The following ADCY2 variants were observed in gnomAD, a reference collection of about 807,000 sequenced individuals.
ADCY2 encodes adenylate cyclase type 2.
Under a neutral mutation model 125.2 loss-of-function variants are expected in ADCY2, and 31 were observed. The observed-to-expected ratio is 0.25, with a 90% confidence interval of 0.19 to 0.33. ADCY2 has a LOEUF of 0.33. Among genes scored for constraint, ADCY2 ranks in the 10% least tolerant of loss-of-function variants. The pLI is 1.00. For synonymous variants in ADCY2, 512 were observed against 548.4 expected, an observed-to-expected ratio of 0.93 and a Z score of 0.93; for missense variants, 904 against 1,418.2, an observed-to-expected ratio of 0.64 and a Z score of 5.82.
At chr5:7,780,775 T>C (rs1252773465) in intron 18 of ADCY2, among the ~76,000 whole-genome samples, 1 of 149,822 alleles carries the variant, frequency 6.7e-6, no homozygotes, top group Non-Finnish European at 1.5e-5. Context: ...CTGAGAATCA[T>C]GAAAATGTCC....
At chr5:7,736,366 T>G (rs1435357051) in intron 14 of ADCY2, among the ~76,000 whole-genome samples, 1 of 152,246 alleles carries the variant, frequency 6.6e-6, no homozygotes, top group African/African-American at 2.4e-5. Context: ...ATTTTTCATT[T>G]CTTCTTTAGT....
At position 7,804,328 on chromosome 5, in the gene ADCY2, T is replaced by A. The variant is rs548492400; in HGVS notation, c.2776-257T>A. Among the ~76,000 whole-genome samples, 5 of 152,372 alleles carry A rather than the reference T, an allele frequency of 3.3e-5. No homozygotes were observed. In the East Asian group the frequency reaches 9.6e-4, roughly 29 times the overall value. Reference sequence around the variant, plus strand: ...TGCATCATAATTCATCTTGGTTCCTTCACTAGCAAAGTTTGAACGCTAATT... The same window carrying A: ...TGCATCATAATTCATCTTGGTTCCTACACTAGCAAAGTTTGAACGCTAATT... On this transcript the variant is annotated intron_variant, in intron 21 of 24. Transcript: ENST00000338316.
chr5:7,576,541 G>C (rs1202966006), intron 3 of ADCY2, among the ~76,000 whole-genome samples: 1 of 152,206 alleles, frequency 6.6e-6, no homozygotes, highest in Non-Finnish European at 1.5e-5. Flanking sequence ...TCCAAGAATT[G>C]CAAGGGCTCT....
intron 4 of ADCY2, among the ~76,000 whole-genome samples, chr5:7,641,884 C>T (rs1304303207): frequency 6.6e-6 from 1 of 152,126 alleles, no homozygotes; most frequent in East Asian, 1.9e-4. Flanking sequence ...CATAGTATCC[C>T]ATAGTGTATC....
chr5:7,537,430 C>G (rs1734849793), intron 3 of ADCY2, among the ~76,000 whole-genome samples: 2 of 152,146 alleles, frequency 1.3e-5, no homozygotes, highest in Admixed American at 1.3e-4. Flanking sequence ...CTGTAGATGG[C>G]ACCACCATCC....
chr5:7,601,979 C>T (rs1194623804), intron 3 of ADCY2, among the ~76,000 whole-genome samples: 3 of 152,214 alleles, frequency 2.0e-5, no homozygotes, highest in Non-Finnish European at 4.4e-5. Flanking sequence ...ATCTTCCCTT[C>T]TCTCTTCCAG....
At chr5:7,599,509 G>T (rs1226716424) in intron 3 of ADCY2, among the ~76,000 whole-genome samples, 3 of 152,132 alleles carry the variant, frequency 2.0e-5, no homozygotes, top group African/African-American at 7.2e-5. Context: ...AATTCCTTTT[G>T]TCCATATTCT....
intron 15 of ADCY2, among the ~76,000 whole-genome samples, chr5:7,755,447 T>C (rs1357762886): frequency 4.0e-5 from 6 of 151,032 alleles, no homozygotes; most frequent in Non-Finnish European, 7.4e-5. Flanking sequence ...GAGGAGGAGA[T>C]TTTGTTGTTG....
intron 2 of ADCY2, among the ~76,000 whole-genome samples, chr5:7,507,197 T>G (rs1743857483): frequency 6.7e-6 from 1 of 149,020 alleles, no homozygotes; most frequent in Non-Finnish European, 1.5e-5. Context: ...ATCCCAGCAC[T>G]TTGGGAGGCC....
intron 4 of ADCY2, among the ~76,000 whole-genome samples, chr5:7,675,301 T>C (rs1426232465): frequency 6.6e-6 from 1 of 152,162 alleles, no homozygotes; most frequent in East Asian, 1.9e-4. Context: ...TATCAAAAAA[T>C]GGAACCATAA....
At chr5:7,499,662 T>TATAC (rs1554014337) in intron 2 of ADCY2, among the ~76,000 whole-genome samples, 3 of 118,970 alleles carry the variant, frequency 2.5e-5, no homozygotes, top group East Asian at 2.0e-4. Context: ...TATATATATA[T>TATAC]ATATATATAT....
chr5:7,541,289 A>G (rs1734985213), intron 3 of ADCY2, among the ~76,000 whole-genome samples: 2 of 152,250 alleles, frequency 1.3e-5, no homozygotes, highest in Non-Finnish European at 2.9e-5. Context: ...GACTGGCAGC[A>G]TGAGAAGTGC....
chr5:7,570,511 A>G (rs929787315), intron 3 of ADCY2, among the ~76,000 whole-genome samples: 15 of 152,030 alleles, frequency 9.9e-5, no homozygotes, highest in Admixed American at 8.5e-4. Flanking sequence ...GCCTCTGGAC[A>G]TGGGTAGGAG....
chr5:7,636,422 G>A (rs1738505518), intron 4 of ADCY2, among the ~76,000 whole-genome samples: 1 of 152,360 alleles, frequency 6.6e-6, no homozygotes, highest in East Asian at 1.9e-4. Context: ...GAAGGTCAGT[G>A]TGGGTGGGAT....
intron 4 of ADCY2, among the ~76,000 whole-genome samples, chr5:7,661,219 T>G (rs1421496761): frequency 1.3e-5 from 2 of 152,200 alleles, no homozygotes; most frequent in African/African-American, 2.4e-5. Context: ...AAATTATATG[T>G]GCTAATATTT....
intron 4 of ADCY2, among the ~76,000 whole-genome samples, chr5:7,686,560 A>G (rs188769222): frequency 3.9e-5 from 6 of 152,342 alleles, no homozygotes; most frequent in Admixed American, 2.0e-4. Context: ...AAGAGAAAGA[A>G]GTAATAACCA....
intron 2 of ADCY2, among the ~76,000 whole-genome samples, chr5:7,430,365 A>T (rs1275319664): frequency 6.6e-6 from 1 of 151,850 alleles, no homozygotes; most frequent in Admixed American, 6.6e-5. Context: ...GGCCACCATT[A>T]CTCTGATAAA....
At chr5:7,412,591 G>T (rs1173874246) in intron 1 of ADCY2, among the ~76,000 whole-genome samples, 3 of 152,214 alleles carry the variant, frequency 2.0e-5, no homozygotes, top group African/African-American at 7.2e-5. Flanking sequence ...TAATAACTTA[G>T]GCACTTAATC....
intron 1 of ADCY2, among the ~76,000 whole-genome samples, chr5:7,406,070 G>A (rs1019344311): frequency 1.3e-5 from 2 of 151,822 alleles, no homozygotes; most frequent in African/African-American, 4.8e-5. Context: ...ATATTGCCCA[G>A]GCTGGTCTCA....
Sources: gnomAD v4.1 joint callset for allele counts (sites outside exome capture counted in the v4.1 genomes callset) on GRCh38, gnomAD v4.1.1 for gene constraint, MANE v1.5 for transcripts, NCBI Gene and HGNC (gene_info 2026-07-23, HGNC 2026-07-21) for gene names.